The following SCAPER variants were observed in gnomAD, a reference collection of about 807,000 sequenced individuals.
SCAPER encodes the protein S phase cyclin A-associated protein in the endoplasmic reticulum.
SCAPER carries 98 observed loss-of-function variants against 182.2 expected under a neutral mutation model. The observed-to-expected ratio is 0.54, with a 90% confidence interval of 0.46 to 0.64. The LOEUF (loss-of-function observed/expected upper bound fraction) is 0.64, where lower values mean the gene tolerates loss of function less well. SCAPER is among the 30% of genes least tolerant of loss of function. The pLI is 0.00. For missense variants in SCAPER, 1,432 were observed against 1,690.0 expected (o/e 0.85, Z 2.68); for synonymous variants, 605 against 564.6 (o/e 1.07, Z -1.01).
At chr15:76,839,497 C>T (rs558221946) in intron 5 of SCAPER, among the ~76,000 whole-genome samples, 2 of 152,224 alleles carry the variant, frequency 1.3e-5, no homozygotes, top group East Asian at 1.9e-4. Context: ...TTAGACCAAA[C>T]GTTAAATTTT....
chr15:76,486,260 C>T (rs1237214537), intron 24 of SCAPER, among the ~76,000 whole-genome samples: 1 of 151,980 alleles, frequency 6.6e-6, no homozygotes, highest in Non-Finnish European at 1.5e-5. Flanking sequence ...CTATAAAGAA[C>T]TCTGGAAGAC....
At chr15:76,775,249 T>C (rs570283811) in intron 8 of SCAPER, 132 bp from the exon 9 acceptor site, 39 of 746,798 alleles carry the variant, frequency 5.2e-5, no homozygotes, top group Admixed American at 1.6e-4. Context: ...GAGAGTATTA[T>C]ACAAAATGTA....
At chr15:76,804,453 G>C in intron 6 of SCAPER, 80 bp downstream of exon 6, 2 of 870,728 alleles carry the variant, frequency 2.3e-6, no homozygotes, top group Non-Finnish European at 1.8e-6. Context: ...CTCAATATGA[G>C]GTTAAGTTTA....
At chr15:76,786,999 G>A (rs958681244) in intron 8 of SCAPER, among the ~76,000 whole-genome samples, 4 of 152,108 alleles carry the variant, frequency 2.6e-5, no homozygotes, top group Non-Finnish European at 4.4e-5. Context: ...AAGAAATAGA[G>A]GGACATTCCA....
At chr15:76,673,808 G>T (rs1249954114) in intron 20 of SCAPER, among the ~76,000 whole-genome samples, 1 of 151,926 alleles carries the variant, frequency 6.6e-6, no homozygotes, top group Non-Finnish European at 1.5e-5. Context: ...AATTTGACTG[G>T]GCTCATGTCA....
At chr15:76,719,168 C>G (rs957712285) in intron 17 of SCAPER, among the ~76,000 whole-genome samples, 2 of 151,952 alleles carry the variant, frequency 1.3e-5, no homozygotes, top group Admixed American at 1.3e-4. Flanking sequence ...ATCAAAGAAA[C>G]AATGATAAAG....
chr15:76,824,487 A>G (rs1228299418), intron 5 of SCAPER, among the ~76,000 whole-genome samples: 4 of 152,218 alleles, frequency 2.6e-5, no homozygotes, highest in African/African-American at 9.6e-5. Context: ...GGCTAGAAAC[A>G]TGCACTGCAT....
chr15:76,657,459 CA>C (rs1462121706), intron 21 of SCAPER, among the ~76,000 whole-genome samples: 4 of 151,554 alleles, frequency 2.6e-5, no homozygotes, highest in Non-Finnish European at 5.9e-5. Flanking sequence ...CAGATTCCAC[CA>C]AATGTATAAA....
chr15:76,668,055 CTCTTA>C (rs1409682974), intron 20 of SCAPER, among the ~76,000 whole-genome samples: 1 of 152,080 alleles, frequency 6.6e-6, no homozygotes, highest in African/African-American at 2.4e-5. Context: ...TACAACAAAA[CTCTTA>C]TGTTCTTTAT....
chr15:76,768,007 G>A lies in SCAPER; in HGVS notation c.1249-919C>T, dbSNP rs960646385. Among the ~76,000 whole-genome samples the A allele has an allele frequency of 2.0e-5, 3 of 152,050 alleles. No homozygotes were observed. In the East Asian group the frequency reaches 5.8e-4, roughly 29 times the overall value. ...AATAATAAAAGGGTCAATTCATCAA[G>A]ACGACAAAACAGTCCTAAATGTTTA... On this transcript the variant is annotated intron_variant, in intron 10 of 31. Coordinates refer to ENST00000563290, the MANE Select transcript of SCAPER (RefSeq NM_020843.4).
intron 26 of SCAPER, among the ~76,000 whole-genome samples, chr15:76,409,323 G>T (rs1454675578): frequency 6.6e-6 from 1 of 152,104 alleles, no homozygotes; most frequent in African/African-American, 2.4e-5. Context: ...CTTTAATACA[G>T]AAAACTTCCT....
At chr15:76,490,580 C>T (rs982380667) in intron 24 of SCAPER, among the ~76,000 whole-genome samples, 31 of 152,018 alleles carry the variant, frequency 2.0e-4, no homozygotes, top group African/African-American at 7.2e-4. Context: ...AATATTTTCC[C>T]ATTCTGTAGA....
chr15:76,414,105 T>C (rs780184707), intron 26 of SCAPER, among the ~76,000 whole-genome samples: 6 of 152,200 alleles, frequency 3.9e-5, no homozygotes, highest in Non-Finnish European at 7.3e-5. Flanking sequence ...ACGAGGAATG[T>C]TGATCTGTAA....
chr15:76,733,807 T>A (rs921185872), intron 15 of SCAPER, among the ~76,000 whole-genome samples: 3 of 151,764 alleles, frequency 2.0e-5, no homozygotes, highest in Non-Finnish European at 2.9e-5. Context: ...TATAATAACA[T>A]GAACCAGTGG....
rs369278059 is a variant in SCAPER at position 76,508,330 on chromosome 15, C to T, written c.2839-3356G>A. ...TGTTTCACTGCTGGTTGACATTTAG[C>T]TTGTTTCTACTTTGACACTTTGGAC... On this transcript the variant is annotated intron_variant, in intron 23 of 31. Transcript: ENST00000563290. 2.0e-5 allele frequency among the ~76,000 whole-genome samples: 3 copies of T among 152,164 alleles called. No homozygotes were observed. In the East Asian group the frequency reaches 5.8e-4, roughly 29 times the overall value.
At chr15:76,646,540 A>G (rs1408844069) in intron 21 of SCAPER, among the ~76,000 whole-genome samples, 1 of 152,180 alleles carries the variant, frequency 6.6e-6, no homozygotes, top group Non-Finnish European at 1.5e-5. Flanking sequence ...ACACAAATCT[A>G]GTTCCTTTAT....
intron 7 of SCAPER, chr15:76,797,454 C>T (rs1204096703): frequency 6.6e-6 from 1 of 152,172 alleles, no homozygotes; most frequent in Non-Finnish European, 1.5e-5. Context: ...AAAGTTCTAG[C>T]AAATTCCTGA....
intron 2 of SCAPER, among the ~76,000 whole-genome samples, chr15:76,875,468 AC>A (rs2073073693): frequency 6.6e-6 from 1 of 151,940 alleles, no homozygotes; most frequent in African/African-American, 2.4e-5. Context: ...ATATGGCAAA[AC>A]CCCATCTCTG....
At position 76,857,869 on chromosome 15, in the gene SCAPER, T is replaced by A; in HGVS notation, c.135A>T (p.Lys45Asn). 1 of 1,545,968 alleles carries A rather than the reference T, an allele frequency of 6.5e-7. No individual in the cohort carries two copies. Among genetic ancestry groups the A allele is most frequent in the South Asian group, 1.2e-5 (1 of 83,144 alleles). Residue 45 changes from lysine to asparagine, a missense_variant, in exon 4 of 32, where the codon AAA (lysine) becomes AAT (asparagine). Coordinates refer to ENST00000563290, the MANE Select transcript of SCAPER (RefSeq NM_020843.4). ...LESKDDDGKP[K>N]CQTGGKSKRT... ...TCTTAGATTTTCCACCAGTTTGACA[T>A]TTAGGTTTTCCTTCAAGGCAAGAAA...
Sources: gnomAD v4.1 joint callset for allele counts (sites outside exome capture counted in the v4.1 genomes callset) on GRCh38, gnomAD v4.1.1 for gene constraint, MANE v1.5 for transcripts, NCBI Gene and HGNC (gene_info 2026-07-23, HGNC 2026-07-21) for gene names.